The following PLCE1 variants were observed in gnomAD, a reference collection of about 807,000 sequenced individuals.
PLCE1 encodes phospholipase C epsilon 1.
In PLCE1, 119 loss-of-function variants were observed where a neutral mutation model predicts 242.8. The observed-to-expected ratio is 0.49, with a 90% CI of 0.42 to 0.57. The LOEUF (loss-of-function observed/expected upper bound fraction) is 0.57. PLCE1 is among the 20% of genes least tolerant of loss of function. PLCE1 has a pLI of 0.00. For synonymous variants in PLCE1, 945 were observed against 1,017.4 expected (o/e 0.93, Z 1.35); for missense variants, 2,441 against 2,788.8 (o/e 0.88, Z 2.81).
chr10:94,060,462 T>C (rs2044017559), intron 2 of PLCE1, among the ~76,000 whole-genome samples: 1 of 152,144 alleles, frequency 6.6e-6, no homozygotes, highest in African/African-American at 2.4e-5. Flanking sequence ...GAAACAAGAT[T>C]AGCTTGCTGT....
intron 2 of PLCE1, among the ~76,000 whole-genome samples, chr10:94,068,358 G>C (rs974942922): frequency 3.3e-5 from 5 of 151,856 alleles, no homozygotes; most frequent in Non-Finnish European, 7.4e-5. Context: ...TCGGATTCAA[G>C]CAATCACAAA....
intron 2 of PLCE1, among the ~76,000 whole-genome samples, chr10:94,130,436 G>A (rs2046563659): frequency 6.6e-6 from 1 of 152,188 alleles, no homozygotes. Context: ...TATGTTACAT[G>A]TTTATCATGG....
At chr10:94,259,620 T>C (rs1325671673) in intron 13 of PLCE1, among the ~76,000 whole-genome samples, 1 of 152,130 alleles carries the variant, frequency 6.6e-6, no homozygotes, top group Admixed American at 6.6e-5. Context: ...CATCTGGTGT[T>C]GAGGGAGCAG....
intron 24 of PLCE1, 117 bp from the exon 25 acceptor site, chr10:94,304,365 C>T: frequency 1.1e-6 from 1 of 928,354 alleles, no homozygotes; most frequent in South Asian, 1.3e-5. Context: ...ATCTCTTTTT[C>T]ATGCTGGAGC....
intron 1 of PLCE1, among the ~76,000 whole-genome samples, chr10:94,004,674 A>G (rs1363562506): frequency 6.6e-6 from 1 of 151,944 alleles, no homozygotes; most frequent in African/African-American, 2.4e-5. Flanking sequence ...TTTGCCCACA[A>G]TTTTGGACTT....
In PLCE1 at chr10:94,328,604, T is replaced by A. The variant is rs1293760501; in HGVS notation, c.*661T>A. The A allele has an allele frequency of 6.6e-6, 1 of 152,274 alleles. No homozygotes were observed. Among genetic ancestry groups the A allele is most frequent in the African/African-American group, 2.4e-5 (1 of 41,450 alleles). The allele number at this position is 152,274 out of a possible 1,614,324, so 9.4% of individuals were successfully genotyped here. ...AAGATCTGAAAACAGGAAAGGAAGT[T>A]TAGCCATACATTTTATGGCCGAGAA... On this transcript the variant is annotated 3_prime_UTR_variant, in exon 33 of 33. Coordinates refer to ENST00000371380, the MANE Select transcript of PLCE1 (RefSeq NM_016341.4).
At chr10:94,070,155 A>G (rs1465732127) in intron 2 of PLCE1, among the ~76,000 whole-genome samples, 2 of 152,354 alleles carry the variant, frequency 1.3e-5, no homozygotes, top group African/African-American at 4.8e-5. Flanking sequence ...CTGTCAGCCA[A>G]TTTTAAAATG....
chr10:94,263,513 C>CAA (rs780289280), intron 14 of PLCE1, among the ~76,000 whole-genome samples: 40 of 76,868 alleles, frequency 5.2e-4, no homozygotes, highest in African/African-American at 1.8e-3. Context: ...GACCCCATCT[C>CAA]AAAAAAAAAA....
At chr10:94,211,353 AC>A (rs1331082531) in intron 4 of PLCE1, among the ~76,000 whole-genome samples, 1 of 152,170 alleles carries the variant, frequency 6.6e-6, no homozygotes, top group African/African-American at 2.4e-5. Context: ...GCAAGTTATG[AC>A]TGTAGGTGTC....
In PLCE1 at chr10:94,250,144, A is replaced by C. The variant is rs1211701645; in HGVS notation, c.3097-2172A>C. Among the ~76,000 whole-genome samples, 3 of 151,638 alleles carry C rather than the reference A, an allele frequency of 2.0e-5. No individual in the cohort carries two copies. In the East Asian group the frequency reaches 5.8e-4, roughly 29 times the overall value. On this transcript the variant is annotated intron_variant, in intron 8 of 32. Coordinates refer to ENST00000371380, the MANE Select transcript of PLCE1 (RefSeq NM_016341.4). Reference sequence around the variant, plus strand: ...GAGACTCTGTCTCAAAAAAAAAAAAAAAAAAACTGTTTTCTAAAATTGAAC... The same window carrying C: ...GAGACTCTGTCTCAAAAAAAAAAAACAAAAAACTGTTTTCTAAAATTGAAC...
chr10:94,055,995 C>T (rs896462130), intron 2 of PLCE1, among the ~76,000 whole-genome samples: 4 of 152,106 alleles, frequency 2.6e-5, no homozygotes, highest in Non-Finnish European at 5.9e-5. Flanking sequence ...GGTCAAAGGA[C>T]CTTTGACTCC....
chr10:94,136,529 A>G (rs557380287), intron 3 of PLCE1, among the ~76,000 whole-genome samples: 8 of 152,310 alleles, frequency 5.3e-5, no homozygotes, highest in African/African-American at 1.7e-4. Flanking sequence ...GGTTATGATT[A>G]TGAGATGGGG....
At chr10:94,132,680 GT>G (rs2135913665) in intron 3 of PLCE1, among the ~76,000 whole-genome samples, 1 of 151,660 alleles carries the variant, frequency 6.6e-6, no homozygotes, top group South Asian at 2.1e-4. Context: ...GCCGGGTGCG[GT>G]GGCTCACACC....
intron 2 of PLCE1, among the ~76,000 whole-genome samples, chr10:94,044,011 G>T (rs2061828595): frequency 6.6e-6 from 1 of 152,192 alleles, no homozygotes; most frequent in South Asian, 2.1e-4. Context: ...GAATGAACCA[G>T]TGCAAATCTA....
At position 94,031,629 on chromosome 10, in the gene PLCE1, A is replaced by G. The variant is rs1204808932; in HGVS notation, c.583A>G (p.Arg195Gly). ...ATTTCATTTTCATTATGAAGTTGAC[A>G]GAAGAATGTCAGACACTTTCTGTAC... ...AVFHFHYEVD[R>G]RMSDTFCTLS... Residue 195 changes from arginine (R) to glycine (G), a missense_variant, in exon 2 of 33, where the codon AGA (arginine) becomes GGA (glycine). This residue lies in a region of PLCE1 where 393 missense variants were observed against 378.5 expected (regional missense o/e 1.04). Transcript: ENST00000371380. 1.2e-6 allele frequency: 2 copies of G among 1,613,718 alleles called. No individual in the cohort carries two copies. The highest frequency in any genetic ancestry group is 4.5e-5 in the East Asian group (2 of 44,870).
At chr10:94,001,223 C>T (rs553349923) in intron 1 of PLCE1, among the ~76,000 whole-genome samples, 2 of 152,188 alleles carry the variant, frequency 1.3e-5, no homozygotes, top group South Asian at 4.2e-4. Context: ...ACAGTACTGG[C>T]CAGTGTCATC....
chr10:94,162,039 A>C (rs946529672), intron 3 of PLCE1, among the ~76,000 whole-genome samples: 1 of 152,070 alleles, frequency 6.6e-6, no homozygotes, highest in Non-Finnish European at 1.5e-5. Flanking sequence ...TTTTTGATGT[A>C]CTGCTGGATT....
intron 8 of PLCE1, 22 bp downstream of exon 8, chr10:94,246,643 C>T (rs763919437): frequency 1.2e-5 from 20 of 1,603,828 alleles, no homozygotes; most frequent in Non-Finnish European, 1.5e-5. Flanking sequence ...AGCCATCCCT[C>T]TTTCCTCACT....
rs1235091819 is a variant in PLCE1, at chr10:94,273,646, C to G, written c.4591C>G (p.Leu1531Val). 1 of 1,613,790 alleles carries G rather than the reference C, an allele frequency of 6.2e-7. No individual in the cohort carries two copies. Among genetic ancestry groups the G allele is most frequent in the Admixed American group, 1.7e-5 (1 of 60,012 alleles). Residue 1531 changes from leucine (L) to valine (V), a missense_variant, in exon 19 of 33, where the codon CTC (leucine) becomes GTC (valine). This residue lies in a region of PLCE1 where 1,004 missense variants were observed against 1,322.7 expected (regional missense o/e 0.76). Transcript: ENST00000371380. Reference protein sequence around the residue: ...DDPMLPSPDQLRKKVLLKNKK... With the variant: ...DDPMLPSPDQVRKKVLLKNKK... Reference sequence around the variant, plus strand: ...TCCAATGCTTCCTTCACCTGACCAACTCAGAAAGAAAGTTCTTCTTAAAAA... The same window carrying G: ...TCCAATGCTTCCTTCACCTGACCAAGTCAGAAAGAAAGTTCTTCTTAAAAA...
Sources: allele counts gnomAD v4.1 joint callset (sites outside exome capture counted in the v4.1 genomes callset), GRCh38; gene constraint gnomAD v4.1.1; regional missense constraint gnomAD v4.1.1; transcripts MANE v1.5; gene names NCBI Gene and HGNC (gene_info 2026-07-23, HGNC 2026-07-21).